Variants in ADCY3 observed in about 807,000 individuals in gnomAD.
The protein encoded by ADCY3 is adenylate cyclase 3.
ADCY3 carries 70 observed loss-of-function variants against 119.4 expected under a neutral mutation model. The observed-to-expected ratio is 0.59, with a 90% CI of 0.48 to 0.72. The LOEUF (loss-of-function observed/expected upper bound fraction) is 0.72. ADCY3 is among the 30% of genes least tolerant of loss of function. The pLI is 0.00. For missense variants in ADCY3, 1,238 were observed against 1,541.6 expected (o/e 0.80, Z 3.30); for synonymous variants, 672 against 621.4 (o/e 1.08, Z -1.21).
At chr2:24,912,427 G>T (rs535937414) in intron 2 of ADCY3, among the ~76,000 whole-genome samples, 1 of 152,334 alleles carries the variant, frequency 6.6e-6, no homozygotes, top group African/African-American at 2.4e-5. Flanking sequence ...GACCACCCTC[G>T]TGGGATTTGC....
intron 2 of ADCY3, among the ~76,000 whole-genome samples, chr2:24,908,378 C>A (rs370780921): frequency 2.0e-5 from 3 of 152,036 alleles, no homozygotes; most frequent in South Asian, 4.2e-4. Context: ...AGGAATAGTA[C>A]AATATTCTGC....
intron 17 of ADCY3, 36 bp from the exon 18 acceptor site, chr2:24,823,391 T>C: frequency 6.3e-7 from 1 of 1,598,272 alleles, no homozygotes; most frequent in Non-Finnish European, 8.5e-7. Context: ...TCAAAGCATG[T>C]CCGACTGACT....
At chr2:24,852,304 T>A (rs1346615574) in intron 3 of ADCY3, among the ~76,000 whole-genome samples, 1 of 152,198 alleles carries the variant, frequency 6.6e-6, no homozygotes, top group Non-Finnish European at 1.5e-5. Context: ...CTCAAAGACG[T>A]CCTGTGGCTG....
intron 13 of ADCY3, among the ~76,000 whole-genome samples, chr2:24,830,143 C>T (rs939998777): frequency 6.7e-6 from 1 of 150,036 alleles, no homozygotes; most frequent in Non-Finnish European, 1.5e-5. Flanking sequence ...TGGGTTCAAG[C>T]GATTCTCCTG....
At chr2:24,886,120 T>C (rs952072449) in intron 2 of ADCY3, among the ~76,000 whole-genome samples, 2 of 152,230 alleles carry the variant, frequency 1.3e-5, no homozygotes, top group Non-Finnish European at 2.9e-5. Context: ...CCTGTTTCAG[T>C]GTAAGTGCCA....
intron 3 of ADCY3, among the ~76,000 whole-genome samples, chr2:24,864,920 C>T (rs927845075): frequency 3.9e-5 from 6 of 152,110 alleles, no homozygotes; most frequent in African/African-American, 1.4e-4. Context: ...TCCTTTGATC[C>T]AGCAATTCCA....
chr2:24,901,288 T>C (rs1422555300), intron 2 of ADCY3, among the ~76,000 whole-genome samples: 1 of 152,228 alleles, frequency 6.6e-6, no homozygotes, highest in Non-Finnish European at 1.5e-5. Context: ...GCTCCAACTT[T>C]CGGAGTATTT....
Position 24,855,322 on chromosome 2 carries a change from T to C in ADCY3, c.826-12938A>G, listed in dbSNP as rs140738089. On this transcript the variant is annotated intron_variant, in intron 3 of 21. Coordinates refer to ENST00000679454, the MANE Select transcript of ADCY3 (RefSeq NM_004036.5). The stretch of plus-strand genomic sequence containing the variant: ...GAGGAAAGGCTGCTGGGGAACAGAA[T>C]GTTGCTTTCAGAGAAGGAAGAATTT... Among the ~76,000 whole-genome samples the C allele has an allele frequency of 2.2e-4, 33 of 152,182 alleles. 1 individual carries two copies. The East Asian group carries it at 5.8e-3, about 27-fold the overall frequency.
At chr2:24,873,899 C>T (rs944360776) in intron 2 of ADCY3, among the ~76,000 whole-genome samples, 3 of 152,154 alleles carry the variant, frequency 2.0e-5, no homozygotes, top group Admixed American at 1.3e-4. Flanking sequence ...GGAAGAGAAG[C>T]GGAAGAATTT....
chr2:24,865,348 G>C (rs913996016), intron 3 of ADCY3, among the ~76,000 whole-genome samples: 1 of 152,134 alleles, frequency 6.6e-6, no homozygotes, highest in African/African-American at 2.4e-5. Flanking sequence ...GGGAGGCTGA[G>C]GTAGGAGAAT....
intron 2 of ADCY3, among the ~76,000 whole-genome samples, chr2:24,909,542 G>T (rs866680045): frequency 7.2e-5 from 11 of 152,156 alleles, no homozygotes; most frequent in African/African-American, 9.7e-5. Flanking sequence ...CTATACAGAT[G>T]AATTCTGAGC....
chr2:24,820,644 AG>A, intron 21 of ADCY3, 79 bp downstream of exon 21: 2 of 1,584,054 alleles, frequency 1.3e-6, no homozygotes, highest in Middle Eastern at 3.4e-4. Flanking sequence ...GGTGGGAGGC[AG>A]GGGCACGTGG....
At chr2:24,907,763 G>T (rs1462932752) in intron 2 of ADCY3, among the ~76,000 whole-genome samples, 1 of 152,186 alleles carries the variant, frequency 6.6e-6, no homozygotes, top group African/African-American at 2.4e-5. Context: ...GGGAGGCCGA[G>T]GTGGGCAGAT....
At chr2:24,844,126 G>A (rs1332769459) in intron 3 of ADCY3, among the ~76,000 whole-genome samples, 1 of 152,214 alleles carries the variant, frequency 6.6e-6, no homozygotes, top group Non-Finnish European at 1.5e-5. Context: ...ACAGGGGGAG[G>A]CCAGGGAACC....
chr2:24,918,814 C>A lies in ADCY3; in HGVS notation c.174G>T (p.Val58=). 1 of 1,613,782 alleles carries A rather than the reference C, an allele frequency of 6.2e-7. No homozygotes were observed. Among genetic ancestry groups the A allele is most frequent in the Non-Finnish European group, 8.5e-7 (1 of 1,180,040 alleles). The change falls in exon 2 of 22, where the codon GTG becomes GTT. Residue 58 remains valine (V), a synonymous_variant. Transcript: ENST00000679454. This position sits in a 1 kb window ranked among gnomAD's most constrained non-coding sequence, Gnocchi z 5.4. ...CLPRFMRLTF[V]PESLENLYQT... ...GGTAGAGGTTCTCCAAGGACTCCGG[C>A]ACGAAAGTCAGCCGCATGAAGCGAG...
chr2:24,872,660 G>GCCCGCATCGC lies in ADCY3; in HGVS notation c.734_735insGCGATGCGGG (p.Tyr245Ter). 6.2e-7 allele frequency: 1 copy of GCCCGCATCGC among 1,614,260 alleles called. No individual in the cohort carries two copies. The highest frequency in any genetic ancestry group is 8.5e-7 in the Non-Finnish European group (1 of 1,180,048). ...CCTTGCGGTGCTTGCGGTCAGCCAT[G>GCCCGCATCGC]TAGTAGGACATGATGCCCACAGCGA... On this transcript the variant is annotated stop_gained and frameshift_variant, in exon 3 of 22. Transcript: ENST00000679454. LOFTEE classifies it high-confidence loss of function. The surrounding 1 kb of genome is among the most constrained non-coding windows in gnomAD (Gnocchi z 4.4).
chr2:24,825,996 G>T (rs1380517768), intron 16 of ADCY3, 49 bp downstream of exon 16: 1 of 1,574,910 alleles, frequency 6.3e-7, no homozygotes, highest in Non-Finnish European at 8.7e-7. Flanking sequence ...TTCTCAGGAG[G>T]CCCTGTGGGC....
At chr2:24,855,036 C>T (rs1268478600) in intron 3 of ADCY3, among the ~76,000 whole-genome samples, 6 of 152,158 alleles carry the variant, frequency 3.9e-5, no homozygotes, top group South Asian at 4.2e-4. Flanking sequence ...GGTGACAGAG[C>T]GAGCCTCCAT....
chr2:24,828,078 C>T lies in ADCY3; in HGVS notation c.2256G>A (p.Lys752=). The T allele has an allele frequency of 6.2e-7, 1 of 1,614,238 alleles. No individual in the cohort carries two copies. The highest frequency in any genetic ancestry group is 8.5e-7 in the Non-Finnish European group (1 of 1,180,048). ...ACAGCACGGCCACATAGTTGTAATA[C>T]TTGGGGTTCTCCAGGCAGCTGCCCT... ...ETEGSCLENP[K]YYNYVAVLSL... The change falls in exon 14 of 22, where the codon AAG becomes AAA. Residue 752 remains lysine, a synonymous_variant. Coordinates refer to ENST00000679454, the MANE Select transcript of ADCY3 (RefSeq NM_004036.5).
Sources: gnomAD v4.1 joint callset for allele counts (sites outside exome capture counted in the v4.1 genomes callset) on GRCh38, gnomAD v4.1.1 for gene constraint, Gnocchi (gnomAD v3.1) non-coding constraint, MANE v1.5 for transcripts, NCBI Gene and HGNC (gene_info 2026-07-23, HGNC 2026-07-21) for gene names.